The following MDN1 variants were observed in gnomAD, a reference collection of about 807,000 sequenced individuals.
MDN1 encodes the protein midasin AAA ATPase 1, also known as midasin.
MDN1 carries 266 observed loss-of-function variants against 669.2 expected under a neutral mutation model. The observed-to-expected ratio is 0.40, with a 90% CI of 0.36 to 0.44. The LOEUF is 0.44. MDN1 is among the 20% of genes least tolerant of loss of function. The probability of loss-of-function intolerance (pLI) is 1.00; values close to 1 mark genes in which losing one functional copy is unlikely to be tolerated. For synonymous variants in MDN1, 2,385 were observed against 2,457.1 expected (o/e 0.97, Z 0.87); for missense variants, 5,940 against 6,754.0 (o/e 0.88, Z 4.22).
intron 5 of MDN1, among the ~76,000 whole-genome samples, chr6:89,792,941 C>T (rs1819358545): frequency 6.6e-6 from 1 of 152,106 alleles, no homozygotes; most frequent in South Asian, 2.1e-4. Flanking sequence ...ATCACTTGAA[C>T]CTGGGAGGGG....
Position 89,784,953 on chromosome 6 carries a change from T to A in MDN1, c.1449+59A>T, listed in dbSNP as rs1432735605. The A allele has an allele frequency of 2.7e-6, 3 of 1,120,966 alleles. No homozygotes were observed. The African/African-American group carries it at 4.6e-5, about 17-fold the overall frequency. 69.4% of individuals were successfully genotyped at this position (1,120,966 alleles called of 1,614,324 possible). A position where few individuals can be genotyped will look rare whatever the true frequency, so the allele number is the denominator to read the frequency against. ...TCTGGTGGTTTATTATACTATTTCC[T>A]ATTTCACGCGGGAGCCACTGCACCT... On this transcript the variant is annotated intron_variant, in intron 9 of 101. Transcript: ENST00000369393.
intron 22 of MDN1, among the ~76,000 whole-genome samples, chr6:89,752,703 A>G (rs1817017130): frequency 6.6e-6 from 1 of 152,222 alleles, no homozygotes; most frequent in African/African-American, 2.4e-5. Flanking sequence ...AACTATGCAA[A>G]TAGTGAAACT....
chr6:89,716,683 T>C lies in MDN1; in HGVS notation c.6710A>G (p.Asp2237Gly). ...GTTAACATTGTCCATCAGAAGCCAG[T>C]CTCCAGACTTCAGGGCCTGAACCAA... is the stretch of plus-strand genomic sequence containing the variant. ...SMLVQALKSG[D>G]WLLMDNVNFC... Residue 2237 changes from aspartate to glycine, a missense_variant, in exon 44 of 102, where the codon GAC (aspartate) becomes GGC (glycine). Around this residue, in one of 5 missense-constraint regions of MDN1, gnomAD observed 2,292 missense variants for 2,638.3 expected, o/e 0.87. Coordinates refer to ENST00000369393, the MANE Select transcript of MDN1 (RefSeq NM_014611.3). 6.2e-7 allele frequency: 1 copy of C among 1,613,212 alleles called. No individual in the cohort carries two copies. The highest frequency in any genetic ancestry group is 8.5e-7 in the Non-Finnish European group (1 of 1,179,678).
intron 40 of MDN1, 97 bp downstream of exon 40, chr6:89,722,858 A>T (rs1372271470): frequency 2.6e-6 from 3 of 1,152,224 alleles, no homozygotes. Flanking sequence ...AAAAAAAAAA[A>T]AAAAAAAAAG....
chr6:89,711,803 G>A (rs994116186), intron 49 of MDN1, among the ~76,000 whole-genome samples: 1 of 152,154 alleles, frequency 6.6e-6, no homozygotes, highest in Non-Finnish European at 1.5e-5. Context: ...TGTTAGGAAG[G>A]TGACTATATC....
chr6:89,710,851 G>T, intron 49 of MDN1, 57 bp from the exon 50 acceptor site: 2 of 995,072 alleles, frequency 2.0e-6, no homozygotes, highest in Non-Finnish European at 3.0e-6. Flanking sequence ...CCAATTGAAC[G>T]TTCTGCAGTG....
At chr6:89,661,727 A>AT in intron 87 of MDN1, 149 bp from the exon 88 acceptor site, 1 of 836,742 alleles carries the variant, frequency 1.2e-6, no homozygotes, top group South Asian at 2.2e-5. Context: ...TTAGTATTTT[A>AT]TTTTTAGACC....
At chr6:89,812,101 T>G (rs908108380) in intron 1 of MDN1, among the ~76,000 whole-genome samples, 3 of 151,608 alleles carry the variant, frequency 2.0e-5, no homozygotes, top group African/African-American at 7.3e-5. Context: ...TTCTCCTGCC[T>G]CAGCCTCCCG....
rs201083158 is a variant in MDN1 at position 89,695,645 on chromosome 6, G to T, written c.9731C>A (p.Ala3244Glu). 1.2e-6 allele frequency: 2 copies of T among 1,609,414 alleles called. No homozygotes were observed. Among genetic ancestry groups the T allele is most frequent in the Admixed American group, 3.3e-5 (2 of 59,880 alleles). Residue 3244 changes from alanine to glutamate, a missense_variant, in exon 61 of 102, where the codon GCG becomes GAG. By Grantham distance (107) the Ala-to-Glu change is moderately radical. Transcript: ENST00000369393. The surrounding 1 kb of genome is among the most constrained non-coding windows in gnomAD (Gnocchi z 4.1). ...TWLPQARFDP[A>E]VKREYKLNYV... is the part of the protein sequence containing the mutation. ...ATTGAGCTTGTACTCCCTCTTCACCGCAGGGTCAAAGCGTGCCTGGGGAAG... is the reference window on the plus strand; with the variant it reads ...ATTGAGCTTGTACTCCCTCTTCACCTCAGGGTCAAAGCGTGCCTGGGGAAG...
At position 89,718,834 on chromosome 6, in the gene MDN1, T is replaced by C; in HGVS notation, c.6254A>G (p.His2085Arg). The change falls in exon 42 of 102, where the codon CAC (histidine) becomes CGC (arginine). Residue 2085 changes from histidine (H) to arginine (R), a missense_variant. Around this residue, in one of 5 missense-constraint regions of MDN1, gnomAD observed 2,292 missense variants for 2,638.3 expected, o/e 0.87. Transcript: ENST00000369393. ...GTTCATAGCCATGATCTTTAATGTGTGGCCAGTAAGGTGTGCCAGAAGCTG... is the reference window on the plus strand; with the variant it reads ...GTTCATAGCCATGATCTTTAATGTGCGGCCAGTAAGGTGTGCCAGAAGCTG... ...LVQLLAHLTG[H>R]TLKIMAMNSA... 2 of 1,614,214 alleles carry C rather than the reference T, an allele frequency of 1.2e-6. No homozygotes were observed. The highest frequency in any genetic ancestry group is 1.6e-4 in the Middle Eastern group (1 of 6,062).
intron 1 of MDN1, among the ~76,000 whole-genome samples, chr6:89,817,089 G>A (rs904139039): frequency 1.2e-4 from 19 of 152,048 alleles, no homozygotes; most frequent in South Asian, 2.1e-4. Context: ...TTGGAAGACC[G>A]CCCCCCTCAC....
chr6:89,800,232 A>C (rs1010335982), intron 2 of MDN1, among the ~76,000 whole-genome samples: 1 of 152,132 alleles, frequency 6.6e-6, no homozygotes, highest in South Asian at 2.1e-4. Context: ...GTTCGAGACC[A>C]GCCTGACCAA....
intron 48 of MDN1, 149 bp downstream of exon 48, chr6:89,712,426 A>G (rs1814003476): frequency 1.1e-6 from 1 of 949,742 alleles, no homozygotes; most frequent in Admixed American, 2.4e-5. Flanking sequence ...ATCAATAGGG[A>G]GCAATATCAC....
intron 15 of MDN1, among the ~76,000 whole-genome samples, chr6:89,767,877 A>G (rs1251485120): frequency 2.0e-5 from 3 of 151,806 alleles, no homozygotes; most frequent in Admixed American, 6.6e-5. Context: ...TCATCTCTAT[A>G]AAGTTCAAAA....
At chr6:89,777,880 CT>C (rs887415125) in intron 11 of MDN1, among the ~76,000 whole-genome samples, 10 of 152,116 alleles carry the variant, frequency 6.6e-5, no homozygotes, top group African/African-American at 2.2e-4. Flanking sequence ...CATAAAAACC[CT>C]AGCTTCTGAG....
In MDN1 at chr6:89,700,622, T is replaced by G. The variant is rs372142362; in HGVS notation, c.8638+24A>C. On this transcript the variant is annotated intron_variant, in intron 56 of 101. Transcript: ENST00000369393. ...GGATATTTTCAGAGCATCTGTCAGC[T>G]AGCCAAGTGCTAGAATATTTTACCT... 1.1e-4 allele frequency: 169 copies of G among 1,603,514 alleles called. No homozygotes were observed. The African/African-American group carries it at 2.0e-3, about 19-fold the overall frequency.
At chr6:89,649,345 T>A (rs1203512849) in intron 97 of MDN1, among the ~76,000 whole-genome samples, 2 of 152,232 alleles carry the variant, frequency 1.3e-5, no homozygotes, top group African/African-American at 4.8e-5. Flanking sequence ...AAGAAATAAG[T>A]TGCCCAAAGT....
Position 89,675,537 on chromosome 6 carries a change from C to A in MDN1, c.12688G>T (p.Ala4230Ser). The change falls in exon 78 of 102, where the codon GCA becomes TCA. Residue 4230 changes from alanine to serine, a missense_variant. Coordinates refer to ENST00000369393, the MANE Select transcript of MDN1 (RefSeq NM_014611.3). ...GNVERCRGFS[A>S]HLMKMLVRQR... Reference sequence around the variant, plus strand: ...CGGACGAGCATCTTCATCAAATGTGCTGAGAACCCTCTGCACCTCTCCACG... The same window carrying A: ...CGGACGAGCATCTTCATCAAATGTGATGAGAACCCTCTGCACCTCTCCACG... The A allele has an allele frequency of 1.9e-6, 3 of 1,613,958 alleles. No homozygotes were observed. Among genetic ancestry groups the A allele is most frequent in the Non-Finnish European group, 2.5e-6 (3 of 1,180,010 alleles).
chr6:89,803,584 C>CTT (rs71027903), intron 1 of MDN1, 30 bp from the exon 2 acceptor site: 9,626 of 1,266,922 alleles, frequency 7.6e-3, no homozygotes, highest in Non-Finnish European at 9.3e-3. Context: ...ACATCTTTCA[C>CTT]TTTTTTTTTT....
Sources: gnomAD v4.1 joint callset for allele counts (sites outside exome capture counted in the v4.1 genomes callset) on GRCh38, gnomAD v4.1.1 for gene constraint, gnomAD v4.1.1 regional missense constraint, Gnocchi (gnomAD v3.1) non-coding constraint, MANE v1.5 for transcripts, NCBI Gene and HGNC (gene_info 2026-07-23, HGNC 2026-07-21) for gene names.